The following PDE1A variants were observed in gnomAD, a reference collection of about 807,000 sequenced individuals.
PDE1A encodes the protein phosphodiesterase 1A, also known as dual specificity calcium/calmodulin-dependent 3',5'-cyclic nucleotide phosphodiesterase 1A.
In PDE1A, 35 loss-of-function variants were observed where a neutral mutation model predicts 61.7. The observed-to-expected ratio is 0.57, with a 90% confidence interval of 0.43 to 0.75. PDE1A has a LOEUF of 0.75. Among genes scored for constraint, PDE1A ranks in the 30% least tolerant of loss-of-function variants. The pLI, the probability that PDE1A is intolerant of heterozygous loss-of-function variation, is 0.00. For synonymous variants in PDE1A, 232 were observed against 213.2 expected (o/e 1.09, Z -0.77); for missense variants, 597 against 630.6 (o/e 0.95, Z 0.57).
chr2:182,626,738 CATATATAT>C, the PDE1A span, among the ~76,000 whole-genome samples: 60 of 13,954 alleles, frequency 4.3e-3, 7 homozygotes, highest in East Asian at 0.015. Flanking sequence ...TATATATATA[CATATATAT>C]ACATATATAT....
At chr2:182,179,421 TA>T (rs1390213348) in intron 13 of PDE1A, among the ~76,000 whole-genome samples, 1 of 152,140 alleles carries the variant, frequency 6.6e-6, no homozygotes, top group Non-Finnish European at 1.5e-5. Context: ...TATATTGTTT[TA>T]AAACAGACAA....
chr2:182,445,431 C>T (rs1335803335), intron 2 of PDE1A, among the ~76,000 whole-genome samples: 1 of 152,094 alleles, frequency 6.6e-6, no homozygotes, highest in Non-Finnish European at 1.5e-5. Context: ...CATTGTTTTG[C>T]TTCTAAACAG....
At chr2:182,231,572 A>AT (rs1198729949) in intron 4 of PDE1A, among the ~76,000 whole-genome samples, 2 of 113,330 alleles carry the variant, frequency 1.8e-5, no homozygotes, top group Admixed American at 1.8e-4. Flanking sequence ...AAATTTCACC[A>AT]TAAGAGTTTG....
the PDE1A span, among the ~76,000 whole-genome samples, chr2:182,530,190 T>C: frequency 6.6e-6 from 1 of 151,926 alleles, no homozygotes; most frequent in African/African-American, 2.4e-5. Context: ...AATATATTGT[T>C]TTCAAGCCAT....
the PDE1A span, among the ~76,000 whole-genome samples, chr2:182,689,996 G>A: frequency 1.3e-5 from 2 of 151,940 alleles, no homozygotes; most frequent in South Asian, 2.1e-4. Flanking sequence ...GTAGAATCTC[G>A]TAATAGACCA....
exon 15 of PDE1A, chr2:182,141,895 T>A (rs1485120072): frequency 6.6e-6 from 1 of 152,172 alleles, no homozygotes; most frequent in African/African-American, 2.4e-5. Context: ...CAGTGAAAAG[T>A]TACAACATCT....
chr2:182,348,866 C>T (rs540627570), intron 1 of PDE1A, among the ~76,000 whole-genome samples: 23 of 151,852 alleles, frequency 1.5e-4, no homozygotes, highest in African/African-American at 5.6e-4. Context: ...ACAGATTGAG[C>T]TAGACGGTTT....
At chr2:182,462,229 C>T (rs1014615201) in intron 2 of PDE1A, among the ~76,000 whole-genome samples, 1 of 151,876 alleles carries the variant, frequency 6.6e-6, no homozygotes, top group Admixed American at 6.6e-5. Flanking sequence ...GGGTGCAGCA[C>T]ACCAACATGG....
intron 1 of PDE1A, among the ~76,000 whole-genome samples, chr2:182,288,329 G>A (rs763321339): frequency 1.3e-5 from 2 of 152,044 alleles, no homozygotes; most frequent in African/African-American, 4.8e-5. Context: ...GGTAATCGCC[G>A]TACACAGTGC....
chr2:182,560,851 A>G, the PDE1A span, among the ~76,000 whole-genome samples: 1 of 152,170 alleles, frequency 6.6e-6, no homozygotes, highest in Non-Finnish European at 1.5e-5. Context: ...TTTTGGCTGC[A>G]TAAATGTCTT....
At chr2:182,219,016 G>A (rs535473241) in intron 7 of PDE1A, among the ~76,000 whole-genome samples, 11 of 152,032 alleles carry the variant, frequency 7.2e-5, no homozygotes, top group Non-Finnish European at 1.2e-4. Flanking sequence ...TACCATCCCT[G>A]TTCCTTTAAA....
rs567224675 is a variant in PDE1A at position 182,182,040 on chromosome 2, T to C, written c.1516+3852A>G. Among the ~76,000 whole-genome samples, 3 of 152,302 alleles carry C rather than the reference T, an allele frequency of 2.0e-5. No individual in the cohort carries two copies. In the South Asian group the frequency reaches 6.2e-4, roughly 32 times the overall value. On this transcript the variant is annotated intron_variant, in intron 13 of 13. Coordinates refer to ENST00000351439, the Ensembl canonical transcript of PDE1A. ...CTGTTTTTTACACTTTATTTTGCAGTCATGAACAATGCTGCTGTGAATATT... is the reference window on the plus strand; with the variant it reads ...CTGTTTTTTACACTTTATTTTGCAGCCATGAACAATGCTGCTGTGAATATT...
chr2:182,468,370 T>C (rs1056182794), intron 2 of PDE1A, among the ~76,000 whole-genome samples: 4 of 151,992 alleles, frequency 2.6e-5, no homozygotes, highest in African/African-American at 9.7e-5. Context: ...AGAAGTAGAT[T>C]CCATCTCAAT....
chr2:182,330,342 C>A (rs1184074653), intron 1 of PDE1A, among the ~76,000 whole-genome samples: 1 of 18,660 alleles, frequency 5.4e-5, no homozygotes, highest in Non-Finnish European at 3.7e-4. Context: ...AAAACTCAGT[C>A]TTAAAAAAAA....
intron 1 of PDE1A, among the ~76,000 whole-genome samples, chr2:182,308,139 A>G (rs941498342): frequency 6.6e-6 from 1 of 152,174 alleles, no homozygotes; most frequent in African/African-American, 2.4e-5. Context: ...ATTATTCTGC[A>G]CAAGTTTAAC....
chr2:182,141,066 C>A (rs1485457720), exon 15 of PDE1A: 1 of 151,078 alleles, frequency 6.6e-6, no homozygotes, highest in Non-Finnish European at 1.5e-5. Context: ...TCTTTATATT[C>A]CTCTACTTTT....
chr2:182,245,562 T>C (rs1690883327), intron 2 of PDE1A, among the ~76,000 whole-genome samples: 1 of 152,238 alleles, frequency 6.6e-6, no homozygotes, highest in African/African-American at 2.4e-5. Context: ...TGCTGTCTCC[T>C]TAGTTTGGCC....
At chr2:182,706,181 C>T in the PDE1A span, among the ~76,000 whole-genome samples, 112 of 152,326 alleles carry the variant, frequency 7.4e-4, no homozygotes, top group Non-Finnish European at 5.1e-4. Context: ...TGTCTTTAAG[C>T]CTCAAAGAGC....
intron 1 of PDE1A, among the ~76,000 whole-genome samples, chr2:182,287,010 A>G (rs1338753556): frequency 6.6e-6 from 1 of 152,020 alleles, no homozygotes; most frequent in Non-Finnish European, 1.5e-5. Flanking sequence ...GGCATTGACT[A>G]AAACCCAAAC....
Sources: gnomAD v4.1 joint callset for allele counts (sites outside exome capture counted in the v4.1 genomes callset) on GRCh38, gnomAD v4.1.1 for gene constraint, MANE v1.5 for transcripts, NCBI Gene and HGNC (gene_info 2026-07-23, HGNC 2026-07-21) for gene names.